Variants in WIZ observed in about 807,000 individuals in gnomAD.
WIZ encodes protein Wiz.
In WIZ, 25 loss-of-function variants were observed where a neutral mutation model predicts 140.2. The observed-to-expected ratio is 0.18, with a 90% CI of 0.13 to 0.25. The LOEUF (loss-of-function observed/expected upper bound fraction) is 0.25. WIZ is among the 10% of genes least tolerant of loss of function. The probability of loss-of-function intolerance (pLI) is 1.00; values close to 1 mark genes in which losing one functional copy is unlikely to be tolerated. For missense variants in WIZ, 2,231 were observed against 2,632.6 expected, an observed-to-expected ratio of 0.85 and a Z score of 3.34; for synonymous variants, 1,125 against 1,154.3, an observed-to-expected ratio of 0.97 and a Z score of 0.51.
At chr19:15,447,972 A>G (rs1969975744) in intron 2 of WIZ, 131 bp downstream of exon 2, 2 of 1,075,554 alleles carry the variant, frequency 1.9e-6, no homozygotes, top group East Asian at 4.8e-5. Flanking sequence ...CAGAGTACAA[A>G]GAAAAGGCTC....
At chr19:15,432,161 C>T (rs1969287178) in intron 5 of WIZ, among the ~76,000 whole-genome samples, 1 of 152,040 alleles carries the variant, frequency 6.6e-6, no homozygotes, top group Non-Finnish European at 1.5e-5. Flanking sequence ...CCGCACCGGA[C>T]GGACCGGAAC....
Position 15,427,837 on chromosome 19 carries a change from G to A in WIZ, c.3814+273C>T, listed in dbSNP as rs563377074. Among the ~76,000 whole-genome samples, 1 of 152,330 alleles carries A rather than the reference G, an allele frequency of 6.6e-6. No individual in the cohort carries two copies. The highest frequency in any genetic ancestry group is 2.1e-4 in the South Asian group (1 of 4,834). ...GGCAGGGAGGCAGCCTAGGTGCTATGTGCCATCCAGACAGGGGCAGATGTG... is the reference window on the plus strand; with the variant it reads ...GGCAGGGAGGCAGCCTAGGTGCTATATGCCATCCAGACAGGGGCAGATGTG... On this transcript the variant is annotated intron_variant, in intron 8 of 12. Transcript: ENST00000673675. The surrounding 1 kb of genome is among the most constrained non-coding windows in gnomAD (Gnocchi z 6.4).
At chr19:15,449,181 C>G (rs1237120773) in intron 1 of WIZ, among the ~76,000 whole-genome samples, 1 of 152,094 alleles carries the variant, frequency 6.6e-6, no homozygotes. Flanking sequence ...AAGGTAACGG[C>G]GGAAAGTGAA....
chr19:15,439,742 GCACATA>G lies in WIZ; in HGVS notation c.1246_1251del (p.Tyr416_Val417del). 1 of 1,475,254 alleles carries G rather than the reference GCACATA, an allele frequency of 6.8e-7. No homozygotes were observed. Among genetic ancestry groups the G allele is most frequent in the Non-Finnish European group, 8.9e-7 (1 of 1,117,872 alleles). 91.4% of individuals were successfully genotyped at this position (1,475,254 alleles called of 1,614,324 possible). On this transcript the variant is annotated inframe_deletion, in exon 4 of 13. Coordinates refer to ENST00000673675, the MANE Select transcript of WIZ (RefSeq NM_001371589.1). The surrounding 1 kb of genome is among the most constrained non-coding windows in gnomAD (Gnocchi z 7.0). ...TCACGCATGTGCAGCTTGGCATGCT[GCACATA>G]GGCCCTGGATGAATTGGTGCCAAAG...
intron 5 of WIZ, among the ~76,000 whole-genome samples, chr19:15,432,161 C>G (rs1969287178): frequency 6.6e-6 from 1 of 152,040 alleles, no homozygotes; most frequent in Non-Finnish European, 1.5e-5. Flanking sequence ...CCGCACCGGA[C>G]GGACCGGAAC....
intron 9 of WIZ, among the ~76,000 whole-genome samples, chr19:15,426,743 G>A (rs1263769024): frequency 1.3e-5 from 2 of 152,196 alleles, no homozygotes; most frequent in South Asian, 2.1e-4. Context: ...CACAAGAGAT[G>A]GAATCTTTCT....
rs1443244790 is a variant in WIZ at position 15,448,120 on chromosome 19, C to A, written c.188G>T (p.Gly63Val). 6.2e-7 allele frequency: 1 copy of A among 1,612,498 alleles called. No homozygotes were observed. Among genetic ancestry groups the A allele is most frequent in the East Asian group, 2.2e-5 (1 of 44,852 alleles). The change falls in exon 2 of 13, where the codon GGC (glycine) becomes GTC (valine). Residue 63 changes from glycine (G) to valine (V), a missense_variant. Transcript: ENST00000673675. ...TCTCTTACCAGAGATGCCACCTCTG[C>A]CATCCAGAATGTCTCGGGGGCCCTC... ...TKEGPRDILD[G>V]RGGISDGQPH...
chr19:15,424,240 CG>C lies in WIZ; in HGVS notation c.5452del (p.Arg1818GlyfsTer47). 1.3e-6 allele frequency: 2 copies of C among 1,582,552 alleles called. No individual in the cohort carries two copies. The highest frequency in any genetic ancestry group is 1.9e-5 in the Admixed American group (1 of 53,156). Reference protein sequence around the residue: ...RVRPVPSLVPRPPQTSLVKFV... With the variant: ...RVRPVPSLVPXPPQTSLVKFV... ...CTTGACAAGTGATGTCTGGGGGGGC[CG>C]GGGCACCAGGGAGGGGACTGGCCGG... On this transcript the variant is annotated frameshift_variant, in exon 12 of 13. Transcript: ENST00000673675. LOFTEE classifies it high-confidence loss of function. This position sits in a 1 kb window ranked among gnomAD's most constrained non-coding sequence, Gnocchi z 9.7.
At chr19:15,426,218 A>C (rs928266449) in intron 9 of WIZ, among the ~76,000 whole-genome samples, 1 of 152,084 alleles carries the variant, frequency 6.6e-6, no homozygotes, top group African/African-American at 2.4e-5. Flanking sequence ...GGGACGGTCT[A>C]AAATGGGAAC....
intron 5 of WIZ, among the ~76,000 whole-genome samples, chr19:15,434,181 C>T (rs886297150): frequency 1.3e-5 from 2 of 151,442 alleles, no homozygotes; most frequent in African/African-American, 4.9e-5. Flanking sequence ...TTGCTTTAAC[C>T]CGGGAGGCGG....
intron 5 of WIZ, among the ~76,000 whole-genome samples, chr19:15,435,302 C>G (rs563387105): frequency 6.6e-6 from 1 of 152,060 alleles, no homozygotes; most frequent in South Asian, 2.1e-4. Flanking sequence ...AGATTTAACA[C>G]GTTAAAATCT....
intron 5 of WIZ, 183 bp downstream of exon 5, chr19:15,436,623 G>A: frequency 1.7e-6 from 1 of 591,628 alleles, no homozygotes; most frequent in South Asian, 2.8e-5. Context: ...CCCAGATCCT[G>A]AGTGAAACAG....
intron 2 of WIZ, among the ~76,000 whole-genome samples, chr19:15,445,473 GT>G (rs1157124191): frequency 6.6e-6 from 1 of 152,178 alleles, no homozygotes; most frequent in Non-Finnish European, 1.5e-5. Flanking sequence ...AAGAAGGCTG[GT>G]GGGAGGCCTG....
In WIZ at chr19:15,428,616, G is replaced by A; in HGVS notation, c.3416-108C>T. The A allele has an allele frequency of 6.8e-6, 9 of 1,329,922 alleles. No individual in the cohort carries two copies. Among genetic ancestry groups the A allele is most frequent in the South Asian group, 1.3e-5 (1 of 75,642 alleles). 82.4% of individuals were successfully genotyped at this position (1,329,922 alleles called of 1,614,324 possible). On this transcript the variant is annotated intron_variant, in intron 7 of 12. Transcript: ENST00000673675. The surrounding 1 kb of genome is among the most constrained non-coding windows in gnomAD (Gnocchi z 6.4). Reference sequence around the variant, plus strand: ...TTTTTGGCTGCTCAGGCAGTTGGGGGGTCCAAGACTCAGGCCGCAGATTTC... The same window carrying A: ...TTTTTGGCTGCTCAGGCAGTTGGGGAGTCCAAGACTCAGGCCGCAGATTTC...
At chr19:15,437,616 A>G (rs890501083) in intron 4 of WIZ, among the ~76,000 whole-genome samples, 1 of 152,238 alleles carries the variant, frequency 6.6e-6, no homozygotes, top group African/African-American at 2.4e-5. Context: ...TAATTGCCCC[A>G]TGGCACTCCA....
At position 15,444,743 on chromosome 19, in the gene WIZ, A is replaced by AT. The variant is rs563201650; in HGVS notation, c.206-1996dup. Among the ~76,000 whole-genome samples, 236 of 152,174 alleles carry AT rather than the reference A, an allele frequency of 1.6e-3. 1 individual carries two copies. Among genetic ancestry groups the AT allele is most frequent in the Non-Finnish European group, 2.1e-3 (140 of 68,002 alleles). ...GCTCTAGAGAACATGTGAGTCATAGATTTGACTTTTTTCAGGAGAGGGCAG... is the reference window on the plus strand; with the variant it reads ...GCTCTAGAGAACATGTGAGTCATAGATTTTGACTTTTTTCAGGAGAGGGCAG... On this transcript the variant is annotated intron_variant, in intron 2 of 12. Transcript: ENST00000673675.
At chr19:15,423,274 T>G in intron 12 of WIZ, 39 bp from the exon 13 acceptor site, 1 of 1,605,812 alleles carries the variant, frequency 6.2e-7, no homozygotes, top group Non-Finnish European at 8.5e-7. Flanking sequence ...GCCAGTGCTG[T>G]GAGGAGAGGC....
chr19:15,439,796 G>T lies in WIZ; in HGVS notation c.1198C>A (p.Arg400=). 2 of 1,512,868 alleles carry T rather than the reference G, an allele frequency of 1.3e-6. No homozygotes were observed. The highest frequency in any genetic ancestry group is 1.2e-5 in the South Asian group (1 of 80,750). 93.7% of individuals were successfully genotyped at this position (1,512,868 alleles called of 1,614,324 possible). ...AAGACACACTTAGGGCACTGCAGCC[G>T]TGCCTCCCGGCCCTCGTCTCCTGGA... The part of the protein sequence containing the change: ...QVPGDEGREA[R]LQCPKCVFGT... Residue 400 remains arginine (R), a synonymous_variant, in exon 4 of 13, where the codon CGG becomes AGG. Transcript: ENST00000673675. The surrounding 1 kb of genome is among the most constrained non-coding windows in gnomAD (Gnocchi z 7.0).
Position 15,428,011 on chromosome 19 carries a change from G to A in WIZ, c.3814+99C>T. On this transcript the variant is annotated intron_variant, in intron 8 of 12. Transcript: ENST00000673675. The surrounding 1 kb of genome is among the most constrained non-coding windows in gnomAD (Gnocchi z 6.4). ...AACCGGCCCACTGCCAAGGGCCCCTGTCTACTCCCTGCCCCAGCAGGGAGG... is the reference window on the plus strand; with the variant it reads ...AACCGGCCCACTGCCAAGGGCCCCTATCTACTCCCTGCCCCAGCAGGGAGG... 1 of 1,470,098 alleles carries A rather than the reference G, an allele frequency of 6.8e-7. No individual in the cohort carries two copies. Among genetic ancestry groups the A allele is most frequent in the Non-Finnish European group, 9.0e-7 (1 of 1,114,360 alleles). 91.1% of individuals were successfully genotyped at this position (1,470,098 alleles called of 1,614,324 possible).
Sources: gnomAD v4.1 joint callset for allele counts (sites outside exome capture counted in the v4.1 genomes callset) on GRCh38, gnomAD v4.1.1 for gene constraint, Gnocchi (gnomAD v3.1) non-coding constraint, MANE v1.5 for transcripts, NCBI Gene and HGNC (gene_info 2026-07-23, HGNC 2026-07-21) for gene names.